AGBL1: variants seen among roughly 807,000 people sequenced by gnomAD.
The protein encoded by AGBL1 is AGBL carboxypeptidase 1.
Under a neutral mutation model 118.9 loss-of-function variants are expected in AGBL1, and 130 were observed. The observed-to-expected ratio is 1.09, with a 90% confidence interval of 0.95 to 1.26. The LOEUF is 1.26. Ranked by LOEUF, AGBL1 falls within the 50% of genes most tolerant of loss-of-function variation. AGBL1 has a pLI of 0.00. For missense variants in AGBL1, 1,584 were observed against 1,298.1 expected (o/e 1.22, Z -3.38); for synonymous variants, 555 against 478.9 (o/e 1.16, Z -2.08).
At chr15:86,546,171 T>G (rs1184065013) in intron 20 of AGBL1, 38 bp downstream of exon 20, 4 of 1,574,376 alleles carry the variant, frequency 2.5e-6, no homozygotes, top group Non-Finnish European at 3.5e-6. Flanking sequence ...ACATGCTGTG[T>G]TCATATTCTT....
chr15:86,541,851 T>G (rs1193785459), intron 19 of AGBL1, among the ~76,000 whole-genome samples: 2 of 152,052 alleles, frequency 1.3e-5, no homozygotes, highest in African/African-American at 4.8e-5. Flanking sequence ...GAATCAAATA[T>G]CAGCATGATC....
At chr15:86,663,364 T>C (rs1250245332) in intron 21 of AGBL1, among the ~76,000 whole-genome samples, 1 of 152,202 alleles carries the variant, frequency 6.6e-6, no homozygotes, top group East Asian at 1.9e-4. Context: ...CCTTTCTCCT[T>C]CTTCCCTCAC....
At chr15:86,203,866 C>T (rs1343020245) in intron 5 of AGBL1, among the ~76,000 whole-genome samples, 1 of 152,114 alleles carries the variant, frequency 6.6e-6, no homozygotes, top group East Asian at 1.9e-4. Flanking sequence ...CTTATTCATT[C>T]ATTCTTTATT....
intron 21 of AGBL1, among the ~76,000 whole-genome samples, chr15:86,626,306 A>G (rs748201109): frequency 3.0e-4 from 46 of 152,222 alleles, no homozygotes; most frequent in Non-Finnish European, 5.9e-4. Flanking sequence ...GTATATATAC[A>G]CCATGGAATA....
chr15:86,793,290 A>T (rs1004156975), intron 22 of AGBL1, among the ~76,000 whole-genome samples: 1 of 152,216 alleles, frequency 6.6e-6, no homozygotes, highest in African/African-American at 2.4e-5. Flanking sequence ...AACTCTAGAC[A>T]TATGAACCAG....
intron 23 of AGBL1, among the ~76,000 whole-genome samples, chr15:86,979,924 G>A (rs571333875): frequency 5.3e-5 from 8 of 152,248 alleles, no homozygotes; most frequent in Non-Finnish European, 1.0e-4. Context: ...AATCTACCAA[G>A]TGATTTTTAC....
At chr15:86,568,866 G>A (rs910512738) in intron 21 of AGBL1, among the ~76,000 whole-genome samples, 1 of 152,122 alleles carries the variant, frequency 6.6e-6, no homozygotes, top group Non-Finnish European at 1.5e-5. Context: ...TTTCTGTTAA[G>A]GCAAGGACAT....
chr15:86,598,774 T>C lies in AGBL1; in HGVS notation c.2994+44237T>C, dbSNP rs1404943825. ...ACATTGAGATGACTTACTGTAGATA[T>C]GTTAATGATATTTAAATATAGAAAT... On this transcript the variant is annotated intron_variant, in intron 21 of 22. Transcript: ENST00000614907. 2.0e-5 allele frequency among the ~76,000 whole-genome samples: 3 copies of C among 152,152 alleles called. No individual in the cohort carries two copies. In the East Asian group the frequency reaches 5.8e-4, roughly 29 times the overall value.
At chr15:87,023,546 A>G (rs1267866663) in intron 24 of AGBL1, among the ~76,000 whole-genome samples, 1 of 152,092 alleles carries the variant, frequency 6.6e-6, no homozygotes, top group African/African-American at 2.4e-5. Context: ...GGACTTTTTA[A>G]TACACCACTG....
chr15:86,614,166 A>G (rs1181238727), intron 21 of AGBL1, among the ~76,000 whole-genome samples: 1 of 152,222 alleles, frequency 6.6e-6, no homozygotes, highest in East Asian at 1.9e-4. Context: ...ATAAAACAAA[A>G]TGAATAATAT....
chr15:86,234,619 C>G (rs1045241454), intron 6 of AGBL1, among the ~76,000 whole-genome samples: 3 of 150,536 alleles, frequency 2.0e-5, no homozygotes, highest in Non-Finnish European at 2.9e-5. Context: ...GGTCACTGTG[C>G]AGGCTCTGGA....
intron 23 of AGBL1, among the ~76,000 whole-genome samples, chr15:86,979,830 C>G (rs2081211860): frequency 6.6e-6 from 1 of 152,082 alleles, no homozygotes; most frequent in South Asian, 2.1e-4. Flanking sequence ...GAACTTGAAA[C>G]CATATTAGAG....
intron 24 of AGBL1, among the ~76,000 whole-genome samples, chr15:87,001,112 C>T (rs2081432559): frequency 7.1e-6 from 1 of 140,126 alleles, no homozygotes; most frequent in East Asian, 2.1e-4. Flanking sequence ...TGCTTATCAG[C>T]TTAAGGAGAT....
intron 19 of AGBL1, among the ~76,000 whole-genome samples, chr15:86,542,638 G>A (rs989020913): frequency 6.6e-6 from 1 of 152,112 alleles, no homozygotes; most frequent in South Asian, 2.1e-4. Flanking sequence ...AAAGTGCTGG[G>A]ATTTCCAGGA....
intron 21 of AGBL1, among the ~76,000 whole-genome samples, chr15:86,594,308 AT>A (rs1385824267): frequency 6.6e-6 from 1 of 151,968 alleles, no homozygotes; most frequent in Non-Finnish European, 1.5e-5. Flanking sequence ...TTTTGCAAAT[AT>A]TTTGTTAAAG....
intron 21 of AGBL1, chr15:86,631,096 G>A (rs1013444110): frequency 2.6e-5 from 4 of 153,248 alleles, no homozygotes; most frequent in Non-Finnish European, 5.8e-5. Flanking sequence ...GTGTCTGCCA[G>A]CCAGGGTAGG....
intron 22 of AGBL1, among the ~76,000 whole-genome samples, chr15:86,869,595 T>C (rs1240683614): frequency 6.6e-6 from 1 of 152,172 alleles, no homozygotes; most frequent in African/African-American, 2.4e-5. Flanking sequence ...ATCCGATATG[T>C]GGATAAAGCC....
At chr15:86,448,688 C>A (rs1049645688) in intron 18 of AGBL1, among the ~76,000 whole-genome samples, 3 of 124,060 alleles carry the variant, frequency 2.4e-5, no homozygotes, top group African/African-American at 1.1e-4. Flanking sequence ...AATGTGGGGG[C>A]AATCAGATTG....
chr15:86,205,043 C>G (rs1304078200), intron 5 of AGBL1, among the ~76,000 whole-genome samples: 1 of 152,194 alleles, frequency 6.6e-6, no homozygotes, highest in Non-Finnish European at 1.5e-5. Flanking sequence ...AATTTCACTG[C>G]TCTAAAAATC....
Sources: allele counts gnomAD v4.1 joint callset (sites outside exome capture counted in the v4.1 genomes callset), GRCh38; gene constraint gnomAD v4.1.1; transcripts MANE v1.5; gene names NCBI Gene and HGNC (gene_info 2026-07-23, HGNC 2026-07-21).